Variants in SLC2A8 observed in about 807,000 individuals in gnomAD.
The protein encoded by SLC2A8 is solute carrier family 2 member 8.
SLC2A8 carries 53 observed loss-of-function variants against 49.2 expected under a neutral mutation model. The ratio of observed to expected loss-of-function variants is 1.08; its 90% CI spans 0.86 to 1.35. The LOEUF (loss-of-function observed/expected upper bound fraction) is 1.35, where lower values mean the gene tolerates loss of function less well. Among genes scored for constraint, SLC2A8 ranks in the 40% most tolerant of loss-of-function variants. The pLI, the probability that SLC2A8 is intolerant of heterozygous loss-of-function variation, is 0.00. For synonymous variants in SLC2A8, 299 were observed against 297.0 expected, an observed-to-expected ratio of 1.01 and a Z score of -0.07; for missense variants, 688 against 671.7, an observed-to-expected ratio of 1.02 and a Z score of -0.27.
chr9:127,397,493 GC>G lies in SLC2A8; in HGVS notation c.179del (p.Pro60ArgfsTer17), dbSNP rs1424556303. 9.6e-6 allele frequency: 14 copies of G among 1,452,268 alleles called. No individual in the cohort carries two copies. The highest frequency in any genetic ancestry group is 8.5e-5 in the Admixed American group (3 of 35,424). 90.0% of individuals were successfully genotyped at this position (1,452,268 alleles called of 1,614,324 possible). ...PAIPSLQRAAPPAPRLDDAAA... is the reference protein window; with the variant it reads ...PAIPSLQRAAXPAPRLDDAAA... Reference sequence around the variant, plus strand: ...CCATCCCTAGCCTGCAGCGCGCCGCGCCCCCGGCCCCGCGCCTGGACGACGC... The same window carrying G: ...CCATCCCTAGCCTGCAGCGCGCCGCGCCCCGGCCCCGCGCCTGGACGACGC... On this transcript the variant is annotated frameshift_variant, in exon 2 of 10. Coordinates refer to ENST00000373371, the MANE Select transcript of SLC2A8 (RefSeq NM_014580.5). LOFTEE classifies it high-confidence loss of function.
chr9:127,397,615 C>T, intron 2 of SLC2A8, 77 bp downstream of exon 2: 1 of 1,358,870 alleles, frequency 7.4e-7, no homozygotes, highest in African/African-American at 1.5e-5. Flanking sequence ...ACCCTCCGCC[C>T]CCCACCCTTC....
intron 4 of SLC2A8, 118 bp from the exon 5 acceptor site, chr9:127,402,439 A>C: frequency 1.4e-6 from 2 of 1,394,554 alleles, no homozygotes; most frequent in Non-Finnish European, 1.9e-6. Flanking sequence ...AGCGAACATG[A>C]GGGCAGATGT....
Position 127,397,479 on chromosome 9 carries a change from C to T in SLC2A8, c.160C>T (p.Leu54=). 6.8e-7 allele frequency: 1 copy of T among 1,474,724 alleles called. No individual in the cohort carries two copies. The highest frequency in any genetic ancestry group is 8.9e-7 in the Non-Finnish European group (1 of 1,121,486). The allele number at this position is 1,474,724 out of a possible 1,614,324, so 91.4% of individuals were successfully genotyped here. ...CTACAGCTCCCCGGCCATCCCTAGC[C>T]TGCAGCGCGCCGCGCCCCCGGCCCC... ...LGYSSPAIPS[L]QRAAPPAPRL... Residue 54 remains leucine, a synonymous_variant, in exon 2 of 10, where the codon CTG becomes TTG. Coordinates refer to ENST00000373371, the MANE Select transcript of SLC2A8 (RefSeq NM_014580.5).
At position 127,397,353 on chromosome 9, in the gene SLC2A8, C is replaced by G. The variant is rs1833061876; in HGVS notation, c.57-23C>G. On this transcript the variant is annotated intron_variant, in intron 1 of 9. Coordinates refer to ENST00000373371, the MANE Select transcript of SLC2A8 (RefSeq NM_014580.5). Reference sequence around the variant, plus strand: ...CCCGCCCCTCCGCGTCCGCTCCGCTCACCCTCGGCCCTGTCCCCCCAGCGC... The same window carrying G: ...CCCGCCCCTCCGCGTCCGCTCCGCTGACCCTCGGCCCTGTCCCCCCAGCGC... The G allele has an allele frequency of 2.4e-5, 34 of 1,414,800 alleles. No individual in the cohort carries two copies. The East Asian group carries it at 9.7e-4, about 40-fold the overall frequency. 87.6% of individuals were successfully genotyped at this position (1,414,800 alleles called of 1,614,324 possible).
chr9:127,403,253 G>A (rs547799551), intron 5 of SLC2A8: 17 of 256,974 alleles, frequency 6.6e-5, no homozygotes, highest in African/African-American at 3.7e-4. Context: ...AGGGAGGAGG[G>A]GGGCTCAGTG....
In SLC2A8 at chr9:127,399,341, C is replaced by T. The variant is rs1833178256; in HGVS notation, c.427-566C>T. ...AAGGCTTGAGAAGCTCTGTGCCCAC[C>T]GCCTCTCGTCATCATATGCAGCCCT... On this transcript the variant is annotated intron_variant, in intron 3 of 9. Transcript: ENST00000373371. This position sits in a 1 kb window ranked among gnomAD's most constrained non-coding sequence, Gnocchi z 4.2. Among the ~76,000 whole-genome samples, 2 of 152,134 alleles carry T rather than the reference C, an allele frequency of 1.3e-5. No individual in the cohort carries two copies. Among genetic ancestry groups the T allele is most frequent in the South Asian group, 4.1e-4 (2 of 4,836 alleles).
chr9:127,407,147 C>A lies in SLC2A8; in HGVS notation c.1332C>A (p.Ala444=). The A allele has an allele frequency of 1.2e-6, 2 of 1,613,656 alleles. No homozygotes were observed. Among genetic ancestry groups the A allele is most frequent in the South Asian group, 2.2e-5 (2 of 91,084 alleles). Residue 444 remains alanine, a synonymous_variant, in exon 10 of 10, where the codon GCC becomes GCA. Coordinates refer to ENST00000373371, the MANE Select transcript of SLC2A8 (RefSeq NM_014580.5). ...GGCCCTATGGAGCCTTCTGGCTTGCCTCCGCTTTCTGCATCTTCAGTGTCC... is the reference window on the plus strand; with the variant it reads ...GGCCCTATGGAGCCTTCTGGCTTGCATCCGCTTTCTGCATCTTCAGTGTCC... ...VLRPYGAFWL[A]SAFCIFSVLF...
chr9:127,407,403 C>A lies in SLC2A8; in HGVS notation c.*154C>A. 1.0e-6 allele frequency: 1 copy of A among 969,962 alleles called. No homozygotes were observed. The highest frequency in any genetic ancestry group is 1.6e-6 in the Non-Finnish European group (1 of 612,224). 60.1% of individuals were successfully genotyped at this position (969,962 alleles called of 1,614,324 possible). A position where few individuals can be genotyped will look rare whatever the true frequency, so the allele number is the denominator to read the frequency against. Reference sequence around the variant, plus strand: ...GTCATGCTCCCTCCAGCCCATGACCCGGGGCTAGGAGGCTCACTGCCTCCT... The same window carrying A: ...GTCATGCTCCCTCCAGCCCATGACCAGGGGCTAGGAGGCTCACTGCCTCCT... On this transcript the variant is annotated 3_prime_UTR_variant, in exon 10 of 10. Transcript: ENST00000373371.
chr9:127,403,615 G>C (rs186710596), intron 5 of SLC2A8, 45 bp from the exon 6 acceptor site: 2 of 1,610,174 alleles, frequency 1.2e-6, no homozygotes, highest in Non-Finnish European at 1.7e-6. Context: ...GGCCGCTTGC[G>C]GGAGGGGAGA....
rs1472611651 is a variant in SLC2A8 at position 127,404,107 on chromosome 9, GGA to G, written c.976+42_976+43del. The G allele has an allele frequency of 2.0e-6, 3 of 1,465,234 alleles. No homozygotes were observed. In the African/African-American group the frequency reaches 4.2e-5, roughly 21 times the overall value. The allele number at this position is 1,465,234 out of a possible 1,614,324, so 90.8% of individuals were successfully genotyped here. A position where few individuals can be genotyped will look rare whatever the true frequency, so the allele number is the denominator to read the frequency against. On this transcript the variant is annotated intron_variant, in intron 7 of 9. Transcript: ENST00000373371. ...CTGTGCAGCCTCCCCGCCATGCGGGGGAGGGCCTTCGCCAAGGCCACCACACT... is the reference window on the plus strand; with the variant it reads ...CTGTGCAGCCTCCCCGCCATGCGGGGGGGCCTTCGCCAAGGCCACCACACT...
Position 127,404,933 on chromosome 9 carries a change from T to C in SLC2A8, c.1092T>C (p.Val364=). 1 of 1,612,058 alleles carries C rather than the reference T, an allele frequency of 6.2e-7. No homozygotes were observed. The highest frequency in any genetic ancestry group is 8.5e-7 in the Non-Finnish European group (1 of 1,179,688). Residue 364 remains valine, a synonymous_variant, in exon 8 of 10, where the codon GTT becomes GTC. Transcript: ENST00000373371. ...CGGCGCCTGTCTCTGCACAGCCTGT[T>C]GATGCCAGCGTGGGGCTGGCCTGGC... ...AISAPVSAQP[V]DASVGLAWLA...
intron 1 of SLC2A8, 40 bp downstream of exon 1, chr9:127,397,326 C>T: frequency 1.4e-6 from 2 of 1,381,766 alleles, no homozygotes; most frequent in Non-Finnish European, 1.9e-6. Context: ...CGGCCTCGCC[C>T]TCCCGCCCCT....
chr9:127,402,636 G>A lies in SLC2A8; in HGVS notation c.606G>A (p.Met202Ile). The change falls in exon 5 of 10, where the codon ATG becomes ATA. Residue 202 changes from methionine (M) to isoleucine (I), a missense_variant. Physicochemically the swap from Met to Ile is conservative, Grantham distance 10. Transcript: ENST00000373371. ...TCATGCTGCTTCTCATGTGCTTCAT[G>A]CCCGAGACCCCGCGCTTCCTGCTGA... ...PSLMLLLMCF[M>I]PETPRFLLTQ... 1.9e-6 allele frequency: 3 copies of A among 1,596,948 alleles called. No individual in the cohort carries two copies. Among genetic ancestry groups the A allele is most frequent in the Non-Finnish European group, 2.6e-6 (3 of 1,174,036 alleles).
chr9:127,407,732 G>GA lies in SLC2A8; in HGVS notation c.*483_*484insA. On this transcript the variant is annotated 3_prime_UTR_variant, in exon 10 of 10. Coordinates refer to ENST00000373371, the MANE Select transcript of SLC2A8 (RefSeq NM_014580.5). Reference sequence around the variant, plus strand: ...AAGGGTTTATTCCCATCACTGCCCAGGACACCCTGTGGCTTTACTTGCTCA... The same window carrying GA: ...AAGGGTTTATTCCCATCACTGCCCAGAGACACCCTGTGGCTTTACTTGCTCA... The GA allele has an allele frequency of 4.6e-6, 1 of 218,750 alleles. No homozygotes were observed. Among genetic ancestry groups the GA allele is most frequent in the Non-Finnish European group, 9.5e-6 (1 of 104,984 alleles). The allele number at this position is 218,750 out of a possible 1,614,324, so 13.6% of individuals were successfully genotyped here.
Position 127,404,990 on chromosome 9 carries a change from C to G in SLC2A8, c.1149C>G (p.Ala383=). ...TGGGCAGCATGTGCCTCTTCATCGC[C>G]GGTAAGGGGGCCTGTGGGAGGCTGG... is the stretch of plus-strand genomic sequence containing the variant. The part of the protein sequence containing the change: ...LAVGSMCLFI[A]GFAVGWGPIP... The change falls in exon 8 of 10, where the codon GCC becomes GCG. Residue 383 remains alanine (A), a splice_region_variant and synonymous_variant. Transcript: ENST00000373371. 1.3e-6 allele frequency: 2 copies of G among 1,595,824 alleles called. No homozygotes were observed. Among genetic ancestry groups the G allele is most frequent in the Non-Finnish European group, 1.7e-6 (2 of 1,171,074 alleles).
Position 127,399,457 on chromosome 9 carries a change from A to G in SLC2A8, c.427-450A>G, listed in dbSNP as rs1833185551. ...GGCTCTGCTCACCTAGGCAGGTTCC[A>G]CTAAGGGGCTTCAGGGCCTGCCGTA... On this transcript the variant is annotated intron_variant, in intron 3 of 9. Coordinates refer to ENST00000373371, the MANE Select transcript of SLC2A8 (RefSeq NM_014580.5). This position sits in a 1 kb window ranked among gnomAD's most constrained non-coding sequence, Gnocchi z 4.2. 1.3e-5 allele frequency among the ~76,000 whole-genome samples: 2 copies of G among 151,830 alleles called. No individual in the cohort carries two copies. Among genetic ancestry groups the G allele is most frequent in the South Asian group, 4.1e-4 (2 of 4,824 alleles).
chr9:127,398,541 T>C (rs574093007), intron 3 of SLC2A8, among the ~76,000 whole-genome samples: 2 of 152,216 alleles, frequency 1.3e-5, no homozygotes, highest in Non-Finnish European at 2.9e-5. Context: ...CTGATTTCTC[T>C]TGGGGCAAAG....
rs1042633138 is a variant in SLC2A8, at chr9:127,406,177, C to G, written c.1296+612C>G. The G allele has an allele frequency of 2.9e-5, 13 of 454,290 alleles. No homozygotes were observed. In the Admixed American group the frequency reaches 3.0e-4, roughly 10 times the overall value. The allele number at this position is 454,290 out of a possible 1,614,324, so 28.1% of individuals were successfully genotyped here. The stretch of plus-strand genomic sequence containing the variant: ...CCAGGTCTCCTGGCATGTGCCATGT[C>G]CAGGCCCATTCAAGGCGCCAGGGAG... On this transcript the variant is annotated intron_variant, in intron 9 of 9. Coordinates refer to ENST00000373371, the MANE Select transcript of SLC2A8 (RefSeq NM_014580.5).
In SLC2A8 at chr9:127,397,198, G is replaced by A; in HGVS notation, c.-33G>A. The A allele has an allele frequency of 1.4e-6, 2 of 1,450,970 alleles. No homozygotes were observed. Among genetic ancestry groups the A allele is most frequent in the Non-Finnish European group, 1.8e-6 (2 of 1,110,160 alleles). The allele number at this position is 1,450,970 out of a possible 1,614,324, so 89.9% of individuals were successfully genotyped here. ...TCGCAGGGCCCGTGGCGGTTCAGGCGCCAGAGCTGGCCGATCGGCGTTGGC... is the reference window on the plus strand; with the variant it reads ...TCGCAGGGCCCGTGGCGGTTCAGGCACCAGAGCTGGCCGATCGGCGTTGGC... On this transcript the variant is annotated 5_prime_UTR_variant, in exon 1 of 10. Transcript: ENST00000373371.
Sources: gnomAD v4.1 joint callset for allele counts (sites outside exome capture counted in the v4.1 genomes callset) on GRCh38, gnomAD v4.1.1 for gene constraint, Gnocchi (gnomAD v3.1) non-coding constraint, MANE v1.5 for transcripts, NCBI Gene and HGNC (gene_info 2026-07-23, HGNC 2026-07-21) for gene names.